Variants in MACF1 observed in about 807,000 individuals in gnomAD.
MACF1 encodes microtubule actin crosslinking factor 1, also known as microtubule-actin cross-linking factor 1.
A neutral mutation model predicts 854.8 loss-of-function variants in MACF1; 193 were observed. The ratio of observed to expected loss-of-function variants is 0.23; its 90% CI spans 0.20 to 0.25. The LOEUF is 0.25. Ranked by LOEUF, MACF1 falls within the 10% of genes least tolerant of loss-of-function variation. The probability of loss-of-function intolerance (pLI) is 1.00; values close to 1 mark genes in which losing one functional copy is unlikely to be tolerated. For synonymous variants in MACF1, 3,185 were observed against 3,226.7 expected, an observed-to-expected ratio of 0.99 and a Z score of 0.44; for missense variants, 7,722 against 8,929.1, an observed-to-expected ratio of 0.86 and a Z score of 5.45.
At chr1:39,250,999 A>T (rs1645034653) in intron 3 of MACF1, among the ~76,000 whole-genome samples, 2 of 152,144 alleles carry the variant, frequency 1.3e-5, no homozygotes, top group Admixed American at 1.3e-4. Flanking sequence ...AACCAAAGAG[A>T]TGTATAGCTC....
chr1:39,418,926 A>G (rs778863606), intron 58 of MACF1, among the ~76,000 whole-genome samples: 14 of 152,066 alleles, frequency 9.2e-5, no homozygotes, highest in Non-Finnish European at 1.9e-4. Context: ...GAAATTTTCT[A>G]TTTTGTGTCC....
At chr1:39,284,794 T>G (rs1424453829) in intron 11 of MACF1, among the ~76,000 whole-genome samples, 1 of 152,224 alleles carries the variant, frequency 6.6e-6, no homozygotes, top group Admixed American at 6.5e-5. Flanking sequence ...AATGAGAATT[T>G]AACCTTGCCA....
At chr1:39,278,717 A>C (rs1249306740) in intron 6 of MACF1, among the ~76,000 whole-genome samples, 2 of 152,180 alleles carry the variant, frequency 1.3e-5, no homozygotes, top group Non-Finnish European at 2.9e-5. Flanking sequence ...TAGCCAGTGA[A>C]ATAGGTAGCT....
intron 58 of MACF1, chr1:39,411,318 A>G: frequency 6.2e-7 from 1 of 1,614,076 alleles, no homozygotes; most frequent in Non-Finnish European, 8.5e-7. Context: ...TTCTGATGGC[A>G]GATGAGAAGA....
chr1:39,427,851 G>A lies in MACF1; in HGVS notation c.16477-110G>A, dbSNP rs770117348. ...TTTATATTATTTTTGCCTTTCAGTCGGTGAGTTTTTTAATTGTTTAATTTG... is the reference window on the plus strand; with the variant it reads ...TTTATATTATTTTTGCCTTTCAGTCAGTGAGTTTTTTAATTGTTTAATTTG... On this transcript the variant is annotated intron_variant, in intron 62 of 100. Transcript: ENST00000564288. 8.2e-5 allele frequency: 82 copies of A among 1,005,820 alleles called. No individual in the cohort carries two copies. The African/African-American group carries it at 1.1e-3, about 14-fold the overall frequency. The allele number at this position is 1,005,820 out of a possible 1,614,324, so 62.3% of individuals were successfully genotyped here. A position where few individuals can be genotyped will look rare whatever the true frequency, so the allele number is the denominator to read the frequency against.
At chr1:39,138,072 C>CAAAAAAAAAAAAA (rs1213606775) in intron 2 of MACF1, among the ~76,000 whole-genome samples, 2 of 50,346 alleles carry the variant, frequency 4.0e-5, no homozygotes, top group African/African-American at 7.1e-5. Context: ...GACTCCATCT[C>CAAAAAAAAAAAAA]AAAAAAAAAA....
At chr1:39,447,284 TAAAG>T in intron 80 of MACF1, 144 bp from the exon 81 acceptor site, 1 of 711,084 alleles carries the variant, frequency 1.4e-6, no homozygotes, top group Non-Finnish European at 2.4e-6. Flanking sequence ...TCTTTACAAA[TAAAG>T]CATGTTTGGA....
chr1:39,230,584 TA>T (rs547789042), intron 1 of MACF1, among the ~76,000 whole-genome samples: 131 of 137,602 alleles, frequency 9.5e-4, no homozygotes, highest in African/African-American at 1.5e-3. Context: ...GTTAAAGAGG[TA>T]AAAAAAAAAA....
intron 2 of MACF1, among the ~76,000 whole-genome samples, chr1:39,154,721 AT>A (rs113114354): frequency 7.0e-4 from 102 of 146,572 alleles, no homozygotes; most frequent in Middle Eastern, 3.5e-3. Flanking sequence ...AGGGTAAGGG[AT>A]TTTTTTTTTT....
intron 2 of MACF1, among the ~76,000 whole-genome samples, chr1:39,245,045 A>G (rs1241605160): frequency 2.6e-5 from 4 of 152,156 alleles, no homozygotes; most frequent in East Asian, 1.9e-4. Context: ...TTTGGTTACT[A>G]TAGTCAGACA....
At position 39,335,831 on chromosome 1, in the gene MACF1, G is replaced by A. The variant is rs201813733; in HGVS notation, c.9243G>A (p.Leu3081=). Residue 3081 remains leucine (L), a synonymous_variant, in exon 37 of 101, where the codon TTG becomes TTA. Coordinates refer to ENST00000564288, the MANE Select transcript of MACF1 (RefSeq NM_001394062.1). ...AAGTAAACAATTTAAGTCTCTGCTTGACTTTAAAACCAGAAGAAAACTTAT... is the reference window on the plus strand; with the variant it reads ...AAGTAAACAATTTAAGTCTCTGCTTAACTTTAAAACCAGAAGAAAACTTAT... The part of the protein sequence containing the change: ...EGKVNNLSLC[L]TLKPEENLSR... 7 of 1,614,098 alleles carry A rather than the reference G, an allele frequency of 4.3e-6. No individual in the cohort carries two copies. Among genetic ancestry groups the A allele is most frequent in the South Asian group, 1.1e-5 (1 of 91,052 alleles).
chr1:39,429,185 A>C, intron 63 of MACF1, 57 bp from the exon 64 acceptor site: 3 of 882,606 alleles, frequency 3.4e-6, no homozygotes, highest in Middle Eastern at 4.5e-4. Context: ...AAGGTCTCGC[A>C]TTTTGTTTCA....
chr1:39,094,811 G>A (rs1359090336), intron 2 of MACF1, among the ~76,000 whole-genome samples: 1 of 152,194 alleles, frequency 6.6e-6, no homozygotes, highest in Non-Finnish European at 1.5e-5. Context: ...AGGATTGCTT[G>A]AGCCCGGGAG....
At chr1:39,435,487 C>A (rs1330297224) in intron 69 of MACF1, 71 bp from the exon 70 acceptor site, 2 of 1,279,384 alleles carry the variant, frequency 1.6e-6, no homozygotes, top group Admixed American at 1.9e-5. Context: ...GATATTAGCT[C>A]TGATCAAAGT....
intron 14 of MACF1, among the ~76,000 whole-genome samples, chr1:39,286,845 T>A (rs1306898315): frequency 6.6e-6 from 1 of 152,206 alleles, no homozygotes; most frequent in East Asian, 1.9e-4. Flanking sequence ...ACACTGTAAT[T>A]TGGCATTTGT....
chr1:39,246,968 C>G (rs536221869), intron 2 of MACF1, among the ~76,000 whole-genome samples: 1 of 149,754 alleles, frequency 6.7e-6, no homozygotes, highest in African/African-American at 2.5e-5. Context: ...ATGGTGTGAT[C>G]TTGGCTCACT....
chr1:39,361,766 C>T (rs1344196034), intron 49 of MACF1, 89 bp downstream of exon 49: 2 of 1,232,966 alleles, frequency 1.6e-6, no homozygotes, highest in Non-Finnish European at 2.3e-6. Context: ...CTACATCAGT[C>T]AGTATACTGG....
At position 39,388,356 on chromosome 1, in the gene MACF1, C is replaced by T. The variant is rs1338903859; in HGVS notation, c.15514C>T (p.Leu5172Phe). 6.2e-7 allele frequency: 1 copy of T among 1,614,012 alleles called. No individual in the cohort carries two copies. The highest frequency in any genetic ancestry group is 8.5e-7 in the Non-Finnish European group (1 of 1,180,044). ...GCTATTCCTTAACAAAATTCACGTC[C>T]TCAAATTAGACATAGAGGCCTCTGA... The part of the protein sequence containing the change: ...VRLFLNKIHV[L>F]KLDIEASEAE... Residue 5172 changes from leucine to phenylalanine, a missense_variant, in exon 58 of 101, where the codon CTC (leucine) becomes TTC (phenylalanine). By Grantham distance (22) the Leu-to-Phe change is conservative. Coordinates refer to ENST00000564288, the MANE Select transcript of MACF1 (RefSeq NM_001394062.1).
chr1:39,371,267 G>A (rs1343066290), intron 51 of MACF1, among the ~76,000 whole-genome samples: 1 of 148,034 alleles, frequency 6.8e-6, no homozygotes, highest in Non-Finnish European at 1.5e-5. Flanking sequence ...GCAGTGAGCT[G>A]AGATGGTGCC....
Sources: gnomAD v4.1 joint callset for allele counts (sites outside exome capture counted in the v4.1 genomes callset) on GRCh38, gnomAD v4.1.1 for gene constraint, MANE v1.5 for transcripts, NCBI Gene and HGNC (gene_info 2026-07-23, HGNC 2026-07-21) for gene names.